ATP2B2: variants seen among roughly 807,000 people sequenced by gnomAD.
ATP2B2 encodes ATPase plasma membrane Ca2+ transporting 2.
A neutral mutation model predicts 120.0 loss-of-function variants in ATP2B2; 15 were observed. That is an observed-to-expected ratio of 0.12 (90% CI 0.08 to 0.19). ATP2B2 has a LOEUF of 0.19. Ranked by LOEUF, ATP2B2 falls within the 10% of genes least tolerant of loss-of-function variation. The pLI is 1.00. For synonymous variants in ATP2B2, 694 were observed against 700.3 expected, an observed-to-expected ratio of 0.99 and a Z score of 0.14; for missense variants, 1,045 against 1,719.8, an observed-to-expected ratio of 0.61 and a Z score of 6.94.
At chr3:10,458,018 T>C (rs909121322) in intron 1 of ATP2B2, among the ~76,000 whole-genome samples, 2 of 152,104 alleles carry the variant, frequency 1.3e-5, no homozygotes, top group Non-Finnish European at 2.9e-5. Context: ...GAGTTGCCAA[T>C]GTTAGATGGC....
At chr3:10,484,475 G>A (rs937540106) in intron 1 of ATP2B2, among the ~76,000 whole-genome samples, 1 of 152,112 alleles carries the variant, frequency 6.6e-6, no homozygotes, top group African/African-American at 2.4e-5. Context: ...GCTGGCCGCG[G>A]GGGTCTCTGT....
intron 22 of ATP2B2, among the ~76,000 whole-genome samples, chr3:10,331,062 T>C (rs2125326951): frequency 6.6e-6 from 1 of 152,348 alleles, no homozygotes. Context: ...CCTTGCATAC[T>C]GTGAGCTGGG....
At chr3:10,336,187 G>A (rs745497918) in intron 22 of ATP2B2, 43 of 1,550,564 alleles carry the variant, frequency 2.8e-5, no homozygotes, top group African/African-American at 5.5e-5. Context: ...ACAACGACAC[G>A]CGACTAGGGC....
intron 1 of ATP2B2, among the ~76,000 whole-genome samples, chr3:10,486,360 T>TGTGTGTGC (rs4039760): frequency 2.0e-5 from 3 of 151,758 alleles, no homozygotes; most frequent in Non-Finnish European, 4.4e-5. Flanking sequence ...TGTGTGTGTG[T>TGTGTGTGC]CTCAGCCCTG....
rs41292841 is a variant in ATP2B2 at position 10,342,971 on chromosome 3, G to A, written c.2704-6C>T. 6.2e-7 allele frequency: 1 copy of A among 1,613,512 alleles called. No individual in the cohort carries two copies. The highest frequency in any genetic ancestry group is 8.5e-7 in the Non-Finnish European group (1 of 1,179,782). On this transcript the variant is annotated splice_polypyrimidine_tract_variant and splice_region_variant and intron_variant, in intron 18 of 22. Transcript: ENST00000360273. This position sits in a 1 kb window ranked among gnomAD's most constrained non-coding sequence, Gnocchi z 4.4. ...ACGGCCTTCAGAGGGGAGTCCTGGGGACGGGCAGGAGAGGGCTGTCACCTG... is the reference window on the plus strand; with the variant it reads ...ACGGCCTTCAGAGGGGAGTCCTGGGAACGGGCAGGAGAGGGCTGTCACCTG...
intron 1 of ATP2B2, among the ~76,000 whole-genome samples, chr3:10,634,755 A>G (rs907661233): frequency 1.3e-5 from 2 of 152,150 alleles, no homozygotes; most frequent in Admixed American, 6.5e-5. Flanking sequence ...ACCCCATGAC[A>G]AGTCACCAGG....
intron 1 of ATP2B2, among the ~76,000 whole-genome samples, chr3:10,629,911 G>A (rs1244369725): frequency 6.6e-6 from 1 of 152,242 alleles, no homozygotes; most frequent in Non-Finnish European, 1.5e-5. Flanking sequence ...GAAGGGCTGA[G>A]CCTCTTAGTG....
chr3:10,582,582 A>G (rs1240614594), intron 2 of ATP2B2, among the ~76,000 whole-genome samples: 3 of 152,244 alleles, frequency 2.0e-5, no homozygotes, highest in African/African-American at 7.2e-5. Context: ...GTTGGGGCAG[A>G]AGGTCTGCAG....
In ATP2B2 at chr3:10,393,846, C is replaced by T. The variant is rs1392082884; in HGVS notation, c.782-5444G>A. On this transcript the variant is annotated intron_variant, in intron 5 of 22. Coordinates refer to ENST00000360273, the MANE Select transcript of ATP2B2 (RefSeq NM_001001331.4). ...GCCAGGACCTTCCCAGCTGCAGGCTCAAAGCCCATCCTGGCCTTGGGCCTG... is the reference window on the plus strand; with the variant it reads ...GCCAGGACCTTCCCAGCTGCAGGCTTAAAGCCCATCCTGGCCTTGGGCCTG... 2.6e-5 allele frequency among the ~76,000 whole-genome samples: 4 copies of T among 152,226 alleles called. No individual in the cohort carries two copies. In the Middle Eastern group the frequency reaches 9.5e-3, roughly 361 times the overall value.
At chr3:10,654,654 G>C (rs1458175441) in intron 1 of ATP2B2, among the ~76,000 whole-genome samples, 1 of 152,156 alleles carries the variant, frequency 6.6e-6, no homozygotes, top group African/African-American at 2.4e-5. Flanking sequence ...GTGCAATCTA[G>C]TGCAGAAGGT....
At position 10,433,517 on chromosome 3, in the gene ATP2B2, C is replaced by T. The variant is rs987096811; in HGVS notation, c.199+15828G>A. ...AAGTCCTGACTCTGTCACCCCCTCG[C>T]TGTGTGACCCTGGACAAGTCACTCT... is the stretch of plus-strand genomic sequence containing the variant. On this transcript the variant is annotated intron_variant, in intron 2 of 22. Transcript: ENST00000360273. Among the ~76,000 whole-genome samples, 18 of 152,166 alleles carry T rather than the reference C, an allele frequency of 1.2e-4. 1 individual carries two copies. The highest frequency in any genetic ancestry group is 3.9e-4 in the African/African-American group (16 of 41,428).
intron 22 of ATP2B2, among the ~76,000 whole-genome samples, chr3:10,330,768 T>C (rs564044490): frequency 3.3e-5 from 5 of 152,334 alleles, no homozygotes; most frequent in Non-Finnish European, 5.9e-5. Context: ...CCCTCTTTTA[T>C]GGAAGTGGAG....
At chr3:10,574,579 T>TAATTATTA (rs1287056468) in intron 2 of ATP2B2, among the ~76,000 whole-genome samples, 1 of 152,222 alleles carries the variant, frequency 6.6e-6, no homozygotes, top group Non-Finnish European at 1.5e-5. Flanking sequence ...GCATTTTGGG[T>TAATTATTA]AATTATTAGT....
intron 1 of ATP2B2, among the ~76,000 whole-genome samples, chr3:10,489,743 A>G (rs2125358789): frequency 6.6e-6 from 1 of 152,096 alleles, no homozygotes; most frequent in Admixed American, 6.5e-5. Context: ...GCCCTACCCC[A>G]GCTGCACCGT....
At position 10,516,773 on chromosome 3, in the gene ATP2B2, C is replaced by G. The variant is rs989837488; in HGVS notation, c.-320+17266G>C. Among the ~76,000 whole-genome samples, 5 of 152,368 alleles carry G rather than the reference C, an allele frequency of 3.3e-5. 1 individual carries two copies. The highest frequency in any genetic ancestry group is 1.2e-4 in the African/African-American group (5 of 41,592). On this transcript the variant is annotated intron_variant, in intron 3 of 21. Coordinates refer to the ATP2B2 transcript ENST00000646379. ...CGCCACGTGCCAGGTGCCGTGCCCA[C>G]AGCCTTCCTGGCTGACTTCATTCCT...
At chr3:10,377,102 G>A (rs184751403) in intron 10 of ATP2B2, among the ~76,000 whole-genome samples, 11 of 152,344 alleles carry the variant, frequency 7.2e-5, no homozygotes, top group African/African-American at 1.9e-4. Context: ...TGGCAGGGCC[G>A]AGGTGCAGGA....
At chr3:10,525,015 G>A (rs1014365088) in intron 3 of ATP2B2, among the ~76,000 whole-genome samples, 4 of 152,186 alleles carry the variant, frequency 2.6e-5, no homozygotes, top group Admixed American at 6.5e-5. Context: ...GGAGTGGAAC[G>A]GTGACATCCT....
chr3:10,359,314 G>A (rs1428450845), intron 13 of ATP2B2, among the ~76,000 whole-genome samples: 1 of 152,162 alleles, frequency 6.6e-6, no homozygotes, highest in African/African-American at 2.4e-5. Context: ...TTTGTCTGGG[G>A]TGAATCCAGG....
rs753720599 is a variant in ATP2B2 at position 10,340,191 on chromosome 3, G to A, written c.3237+51C>T. ...GGTCCTGGATTCTCCATCCAGTGCT[G>A]TCTCCCTTGCCCTGCTAACAGGCAC... On this transcript the variant is annotated intron_variant, in intron 21 of 22. Coordinates refer to ENST00000360273, the MANE Select transcript of ATP2B2 (RefSeq NM_001001331.4). The surrounding 1 kb of genome is among the most constrained non-coding windows in gnomAD (Gnocchi z 5.0). 6.4e-6 allele frequency: 10 copies of A among 1,562,244 alleles called. 1 individual carries two copies. The South Asian group carries it at 1.0e-4, about 16-fold the overall frequency.
Sources: allele counts gnomAD v4.1 joint callset (sites outside exome capture counted in the v4.1 genomes callset), GRCh38; gene constraint gnomAD v4.1.1; non-coding constraint Gnocchi (gnomAD v3.1); transcripts MANE v1.5; gene names NCBI Gene and HGNC (gene_info 2026-07-23, HGNC 2026-07-21).